ASXL2: variants seen among roughly 807,000 people sequenced by gnomAD.
ASXL2 encodes ASXL transcriptional regulator 2.
Under a neutral mutation model 122.0 loss-of-function variants are expected in ASXL2, and 23 were observed. That is an observed-to-expected ratio of 0.19 (90% CI 0.14 to 0.27). The LOEUF is 0.27. Ranked by LOEUF, ASXL2 falls within the 10% of genes least tolerant of loss-of-function variation. ASXL2 has a pLI of 1.00. For synonymous variants in ASXL2, 650 were observed against 637.0 expected (o/e 1.02, Z -0.31); for missense variants, 1,518 against 1,713.8 (o/e 0.89, Z 2.02).
chr2:25,830,610 A>G (rs551402747), intron 3 of ASXL2, among the ~76,000 whole-genome samples: 1 of 150,338 alleles, frequency 6.7e-6, no homozygotes, highest in East Asian at 1.9e-4. Flanking sequence ...TGGGCGACGG[A>G]GCAAGACTCT....
chr2:25,785,389 C>T (rs1025427509), intron 5 of ASXL2, among the ~76,000 whole-genome samples: 4 of 151,610 alleles, frequency 2.6e-5, no homozygotes, highest in South Asian at 2.1e-4. Flanking sequence ...CATGTCAGGC[C>T]GATTTCTTTA....
At position 25,799,443 on chromosome 2, in the gene ASXL2, G is replaced by C; in HGVS notation, c.345C>G (p.Ser115Arg). ...QSDSQSSENS[S>R]SSSDGGSNKE... ...TGTTGCTGCCACCATCACTGCTGCT[G>C]CTGCTGTTCTCAGAACTCTGGGAAT... Residue 115 changes from serine to arginine, a missense_variant, in exon 5 of 13, where the codon AGC (serine) becomes AGG (arginine). This residue lies in a region of ASXL2 where 198 missense variants were observed against 209.0 expected (regional missense o/e 0.95). Transcript: ENST00000435504. The C allele has an allele frequency of 6.2e-7, 1 of 1,613,904 alleles. No homozygotes were observed. Among genetic ancestry groups the C allele is most frequent in the African/African-American group, 1.3e-5 (1 of 75,040 alleles).
At chr2:25,859,168 T>C (rs1196584329) in intron 1 of ASXL2, among the ~76,000 whole-genome samples, 1 of 132,924 alleles carries the variant, frequency 7.5e-6, no homozygotes, top group African/African-American at 3.0e-5. Flanking sequence ...CTTGAATTGC[T>C]AGGCTCAAGT....
At chr2:25,765,339 A>T (rs1193488425) in intron 8 of ASXL2, among the ~76,000 whole-genome samples, 1 of 152,006 alleles carries the variant, frequency 6.6e-6, no homozygotes, top group African/African-American at 2.4e-5. Context: ...CAAAAAAATT[A>T]GCCGGGCGTG....
At position 25,855,300 on chromosome 2, in the gene ASXL2, C is replaced by T. The variant is rs138741815; in HGVS notation, c.58-9737G>A. On this transcript the variant is annotated intron_variant, in intron 1 of 12. Transcript: ENST00000435504. ...GCTCACATCTGTAATCCCAGCACTTCTTGGGAGGCCGAGGTGGGTGGATTG... is the reference window on the plus strand; with the variant it reads ...GCTCACATCTGTAATCCCAGCACTTTTTGGGAGGCCGAGGTGGGTGGATTG... 3.9e-4 allele frequency among the ~76,000 whole-genome samples: 59 copies of T among 152,184 alleles called. No homozygotes were observed. In the East Asian group the frequency reaches 7.9e-3, roughly 20 times the overall value.
chr2:25,759,433 G>A (rs747554511), intron 9 of ASXL2, 49 bp downstream of exon 9: 1 of 1,560,740 alleles, frequency 6.4e-7, no homozygotes, highest in Non-Finnish European at 8.8e-7. Flanking sequence ...CACTTTACAA[G>A]TATACATAAA....
intron 5 of ASXL2, among the ~76,000 whole-genome samples, chr2:25,779,270 G>A (rs951037578): frequency 6.6e-6 from 1 of 151,474 alleles, no homozygotes; most frequent in African/African-American, 2.4e-5. Flanking sequence ...CTAATTTTTT[G>A]TATTTTTAGT....
At chr2:25,762,665 G>GAAAAA (rs60065368) in intron 8 of ASXL2, among the ~76,000 whole-genome samples, 118 of 34,188 alleles carry the variant, frequency 3.5e-3, no homozygotes, top group Non-Finnish European at 4.0e-3. Context: ...ACTCTTTCTC[G>GAAAAA]AAAAAAAAAA....
At chr2:25,856,952 A>AT in intron 1 of ASXL2, 2 of 526,508 alleles carry the variant, frequency 3.8e-6, no homozygotes. Flanking sequence ...TTAATACTAC[A>AT]TAGGCTACAA....
At position 25,736,166 on chromosome 2, in the gene ASXL2, G is replaced by C. The variant is rs543760485; in HGVS notation, c.*5863C>G. 9 of 152,338 alleles carry C rather than the reference G, an allele frequency of 5.9e-5. No homozygotes were observed. The East Asian group carries it at 1.7e-3, about 29-fold the overall frequency. 9.4% of individuals were successfully genotyped at this position (152,338 alleles called of 1,614,324 possible). A position where few individuals can be genotyped will look rare whatever the true frequency, so the allele number is the denominator to read the frequency against. ...GACCAGCTGAGGTCAAGTAGTCTCAGAAGCAATGAACACGGGTTTCTGACT... is the reference window on the plus strand; with the variant it reads ...GACCAGCTGAGGTCAAGTAGTCTCACAAGCAATGAACACGGGTTTCTGACT... On this transcript the variant is annotated 3_prime_UTR_variant, in exon 13 of 13. Coordinates refer to ENST00000435504, the MANE Select transcript of ASXL2 (RefSeq NM_018263.6).
At chr2:25,765,346 C>T (rs748025917) in intron 8 of ASXL2, among the ~76,000 whole-genome samples, 4 of 151,848 alleles carry the variant, frequency 2.6e-5, no homozygotes, top group Non-Finnish European at 5.9e-5. Context: ...ATTAGCCGGG[C>T]GTGGTGGCGG....
chr2:25,746,385 C>T (rs995970031), intron 12 of ASXL2, among the ~76,000 whole-genome samples: 4 of 151,692 alleles, frequency 2.6e-5, no homozygotes, highest in African/African-American at 9.7e-5. Flanking sequence ...ACATCCAATT[C>T]GAACAAGCCT....
chr2:25,809,787 C>A (rs897798232), intron 3 of ASXL2: 1 of 404,882 alleles, frequency 2.5e-6, no homozygotes. Flanking sequence ...GACAGTTTAG[C>A]GAAAAAGACA....
chr2:25,854,656 G>A (rs2089755566), intron 1 of ASXL2, among the ~76,000 whole-genome samples: 1 of 152,170 alleles, frequency 6.6e-6, no homozygotes, highest in Non-Finnish European at 1.5e-5. Flanking sequence ...TACAGCATAT[G>A]GCAAAGGCAT....
intron 1 of ASXL2, among the ~76,000 whole-genome samples, chr2:25,846,555 G>A (rs982564317): frequency 9.9e-5 from 15 of 152,134 alleles, no homozygotes; most frequent in African/African-American, 3.6e-4. Flanking sequence ...GGCTGAGGCA[G>A]GAGAATCACT....
chr2:25,778,316 G>A (rs1026900045), intron 5 of ASXL2, among the ~76,000 whole-genome samples: 3 of 152,190 alleles, frequency 2.0e-5, no homozygotes, highest in African/African-American at 7.2e-5. Context: ...AGATGAGAAG[G>A]CAATGTGAAG....
intron 2 of ASXL2, among the ~76,000 whole-genome samples, chr2:25,842,734 C>CTA (rs1243725333): frequency 1.4e-5 from 2 of 146,986 alleles, no homozygotes; most frequent in East Asian, 2.0e-4. Context: ...ATGTATATAT[C>CTA]TATATATATG....
chr2:25,749,783 G>C lies in ASXL2; in HGVS notation c.1773C>G (p.Arg591=), dbSNP rs771680938. The C allele has an allele frequency of 6.2e-7, 1 of 1,603,666 alleles. No homozygotes were observed. Among genetic ancestry groups the C allele is most frequent in the East Asian group, 2.2e-5 (1 of 44,834 alleles). ...AGACCTGAAATGGCTGCTGGTGCTG[G>C]CGATTCTCAGTGACACGTGGCCTCT... ...WEKRPRVTEN[R]QHQQPFQVSP... Residue 591 remains arginine (R), a synonymous_variant, in exon 12 of 13, where the codon CGC becomes CGG. Transcript: ENST00000435504.
At chr2:25,778,558 T>C (rs10490569) in intron 5 of ASXL2, among the ~76,000 whole-genome samples, 48,861 of 152,104 alleles carry the variant, frequency 0.32, 8,392 homozygotes, top group African/African-American at 0.41. Context: ...CTAAAACCAA[T>C]AAGTTCTCAC....
Sources: allele counts gnomAD v4.1 joint callset (sites outside exome capture counted in the v4.1 genomes callset), GRCh38; gene constraint gnomAD v4.1.1; regional missense constraint gnomAD v4.1.1; transcripts MANE v1.5; gene names NCBI Gene and HGNC (gene_info 2026-07-23, HGNC 2026-07-21).